The following EPHA3 variants were observed in gnomAD, a reference collection of about 807,000 sequenced individuals.
EPHA3 encodes the protein ephrin type-A receptor 3.
Under a neutral mutation model 107.1 loss-of-function variants are expected in EPHA3, and 42 were observed. The ratio of observed to expected loss-of-function variants is 0.39; its 90% CI spans 0.31 to 0.51. EPHA3 has a LOEUF of 0.51. EPHA3 is among the 20% of genes least tolerant of loss of function. The pLI, the probability that EPHA3 is intolerant of heterozygous loss-of-function variation, is 0.78. For missense variants in EPHA3, 1,183 were observed against 1,211.2 expected (o/e 0.98, Z 0.35); for synonymous variants, 461 against 424.8 (o/e 1.09, Z -1.05).
intron 5 of EPHA3, among the ~76,000 whole-genome samples, chr3:89,362,870 G>C (rs1438624819): frequency 1.3e-5 from 2 of 150,822 alleles, no homozygotes; most frequent in African/African-American, 4.8e-5. Context: ...ATTGACCAAG[G>C]TTATATTTAC....
intron 15 of EPHA3, among the ~76,000 whole-genome samples, chr3:89,451,572 C>G (rs903629699): frequency 3.3e-5 from 5 of 152,092 alleles, no homozygotes; most frequent in Non-Finnish European, 7.4e-5. Context: ...TAGAGAGAAG[C>G]ATTTCAGACC....
chr3:89,168,873 C>T lies in EPHA3; in HGVS notation c.154-40987C>T, dbSNP rs1576200083. 1.3e-5 allele frequency among the ~76,000 whole-genome samples: 2 copies of T among 152,086 alleles called. 1 individual carries two copies. Among genetic ancestry groups the T allele is most frequent in the East Asian group, 3.9e-4 (2 of 5,176 alleles). On this transcript the variant is annotated intron_variant, in intron 2 of 16. Transcript: ENST00000336596. ...TTAAAAATTTAGAAATTCTGGTACA[C>T]CATCAAAAAATAAAACTAGCAGAAA...
intron 2 of EPHA3, among the ~76,000 whole-genome samples, chr3:89,202,863 G>A: frequency 6.6e-6 from 1 of 152,120 alleles, no homozygotes; most frequent in Non-Finnish European, 1.5e-5. Context: ...TTTGTCAGGT[G>A]TTCTACCACC....
At chr3:89,277,328 A>C (rs1383382070) in intron 3 of EPHA3, among the ~76,000 whole-genome samples, 1 of 152,148 alleles carries the variant, frequency 6.6e-6, no homozygotes, top group Admixed American at 6.6e-5. Context: ...CAGTATGAGA[A>C]ATCCTTTAAG....
chr3:89,184,554 C>T (rs765392208), intron 2 of EPHA3, among the ~76,000 whole-genome samples: 1 of 152,100 alleles, frequency 6.6e-6, no homozygotes, highest in Non-Finnish European at 1.5e-5. Context: ...AATAAGCAAA[C>T]ACTGGAACAA....
chr3:89,254,664 G>A (rs532662266), intron 3 of EPHA3, among the ~76,000 whole-genome samples: 6 of 152,092 alleles, frequency 3.9e-5, no homozygotes, highest in African/African-American at 1.4e-4. Flanking sequence ...TCCTTATAAC[G>A]GTTTAACATT....
intron 5 of EPHA3, among the ~76,000 whole-genome samples, chr3:89,391,402 CTTTTCTTT>C (rs1559677762): frequency 1.2e-4 from 17 of 140,932 alleles, no homozygotes; most frequent in African/African-American, 4.6e-4. Context: ...CTTTTCTTTT[CTTTTCTTT>C]TCTTTCTTTT....
At chr3:89,358,364 A>G (rs1708012512) in intron 5 of EPHA3, among the ~76,000 whole-genome samples, 1 of 151,144 alleles carries the variant, frequency 6.6e-6, no homozygotes, top group Non-Finnish European at 1.5e-5. Flanking sequence ...AAAAAAACCC[A>G]TTTAGATAAC....
At chr3:89,333,815 C>G (rs1181314717) in intron 3 of EPHA3, among the ~76,000 whole-genome samples, 3 of 151,578 alleles carry the variant, frequency 2.0e-5, no homozygotes, top group Non-Finnish European at 1.5e-5. Context: ...GAGCTTGCAG[C>G]AAGCCAAGAT....
At chr3:89,166,473 ATTG>A (rs1262898292) in intron 2 of EPHA3, among the ~76,000 whole-genome samples, 1 of 152,166 alleles carries the variant, frequency 6.6e-6, no homozygotes, top group African/African-American at 2.4e-5. Context: ...AATTATAATA[ATTG>A]TTTTTTTCTG....
intron 5 of EPHA3, among the ~76,000 whole-genome samples, chr3:89,352,688 G>A (rs138551922): frequency 0.039 from 5,812 of 150,752 alleles, 403 homozygotes; most frequent in African/African-American, 0.13. Context: ...TGGATCACTT[G>A]AGGTCAGGAA....
At chr3:89,190,014 A>G (rs898748078) in intron 2 of EPHA3, among the ~76,000 whole-genome samples, 7 of 152,204 alleles carry the variant, frequency 4.6e-5, no homozygotes, top group African/African-American at 1.7e-4. Flanking sequence ...TCAGAAATTT[A>G]AACCTAAGAC....
At chr3:89,342,629 G>GTAATATATA (rs1559654656) in intron 5 of EPHA3, among the ~76,000 whole-genome samples, 15 of 151,780 alleles carry the variant, frequency 9.9e-5, no homozygotes, top group Non-Finnish European at 2.1e-4. Flanking sequence ...ACATATAAAT[G>GTAATATATA]GATTATATAT....
At chr3:89,356,001 A>C (rs898446098) in intron 5 of EPHA3, among the ~76,000 whole-genome samples, 8 of 88,392 alleles carry the variant, frequency 9.1e-5, no homozygotes, top group African/African-American at 3.5e-4. Context: ...ACCCCACAAC[A>C]GTCCCCAGAG....
At chr3:89,177,597 T>G (rs1231469021) in intron 2 of EPHA3, among the ~76,000 whole-genome samples, 2 of 152,186 alleles carry the variant, frequency 1.3e-5, no homozygotes, top group Middle Eastern at 3.2e-3. Context: ...TCAATTAGCC[T>G]TAAGGTTTAG....
At chr3:89,433,116 G>A (rs974770879) in intron 13 of EPHA3, among the ~76,000 whole-genome samples, 9 of 152,010 alleles carry the variant, frequency 5.9e-5, no homozygotes, top group African/African-American at 1.9e-4. Flanking sequence ...GGATCAAAAC[G>A]TATACAAGTA....
intron 1 of EPHA3, among the ~76,000 whole-genome samples, chr3:89,121,658 G>A (rs1280922634): frequency 2.0e-5 from 3 of 151,868 alleles, no homozygotes; most frequent in Non-Finnish European, 4.4e-5. Context: ...TCAGGAGGCC[G>A]AGGCAGGAGA....
At chr3:89,151,647 T>A (rs1437043645) in intron 2 of EPHA3, among the ~76,000 whole-genome samples, 1 of 152,096 alleles carries the variant, frequency 6.6e-6, no homozygotes, top group African/African-American at 2.4e-5. Context: ...ACTGAAGATT[T>A]TCTAGGTTCA....
intron 15 of EPHA3, among the ~76,000 whole-genome samples, chr3:89,470,975 T>C (rs1340328174): frequency 1.3e-5 from 2 of 152,216 alleles, no homozygotes; most frequent in African/African-American, 4.8e-5. Flanking sequence ...GAACGTTTGA[T>C]ATAATATGAA....
Sources: gnomAD v4.1 joint callset for allele counts (sites outside exome capture counted in the v4.1 genomes callset) on GRCh38, gnomAD v4.1.1 for gene constraint, MANE v1.5 for transcripts, NCBI Gene and HGNC (gene_info 2026-07-23, HGNC 2026-07-21) for gene names.